UVRAG: variants seen among roughly 807,000 people sequenced by gnomAD.
UVRAG encodes UV radiation resistance-associated gene protein.
In UVRAG, 19 loss-of-function variants were observed where a neutral mutation model predicts 78.0. The observed-to-expected ratio is 0.24, with a 90% confidence interval of 0.17 to 0.36. The LOEUF (loss-of-function observed/expected upper bound fraction) is 0.36, where lower values mean the gene tolerates loss of function less well. Among genes scored for constraint, UVRAG ranks in the 10% least tolerant of loss-of-function variants. UVRAG has a pLI of 1.00. For synonymous variants in UVRAG, 323 were observed against 324.6 expected (o/e 1.00, Z 0.05); for missense variants, 740 against 853.8 (o/e 0.87, Z 1.66).
intron 5 of UVRAG, among the ~76,000 whole-genome samples, chr11:75,893,117 C>T (rs1358046228): frequency 6.6e-6 from 1 of 151,048 alleles, no homozygotes; most frequent in African/African-American, 2.4e-5. Flanking sequence ...GTGGAGGTTG[C>T]AGTGAGCCGA....
rs200646995 is a variant in UVRAG, at chr11:76,080,516, A to AATT, written c.1305+14732_1305+14734dup. On this transcript the variant is annotated intron_variant, in intron 13 of 14. Coordinates refer to ENST00000356136, the MANE Select transcript of UVRAG (RefSeq NM_003369.4). ...TTTTATAATAGAATATATATATATA[A>AATT]ATTATTTTTTTCAGACAAAAACTGA... 7.1e-3 allele frequency among the ~76,000 whole-genome samples: 1,071 copies of AATT among 151,870 alleles called. 17 individuals are homozygous for AATT. Among genetic ancestry groups the AATT allele is most frequent in the African/African-American group, 0.025 (1,023 of 41,458 alleles).
chr11:76,135,687 C>T (rs1202315094), intron 14 of UVRAG, among the ~76,000 whole-genome samples: 1 of 152,078 alleles, frequency 6.6e-6, no homozygotes, highest in Middle Eastern at 3.2e-3. Flanking sequence ...GGAGCTAAGC[C>T]CAGCTGGAAG....
chr11:76,070,943 A>G (rs144446740), intron 13 of UVRAG, among the ~76,000 whole-genome samples: 1,708 of 152,322 alleles, frequency 0.011, 32 homozygotes, highest in African/African-American at 0.039. Context: ...TATGTAATCA[A>G]TGTCACTGAA....
chr11:75,857,455 T>TTATTCAC (rs1198112489), intron 2 of UVRAG, among the ~76,000 whole-genome samples: 9 of 152,252 alleles, frequency 5.9e-5, no homozygotes, highest in Middle Eastern at 3.4e-3. Context: ...TTCACGTGAC[T>TTATTCAC]AGTGCTTCCA....
chr11:75,951,656 A>G (rs1393161060), intron 6 of UVRAG, among the ~76,000 whole-genome samples: 1 of 152,150 alleles, frequency 6.6e-6, no homozygotes, highest in Non-Finnish European at 1.5e-5. Flanking sequence ...TTCTGGGATT[A>G]CAGGCGTGAA....
chr11:75,843,345 T>C (rs1451255584), intron 1 of UVRAG, among the ~76,000 whole-genome samples: 1 of 152,236 alleles, frequency 6.6e-6, no homozygotes, highest in Admixed American at 6.5e-5. Context: ...ATTTCTTTTA[T>C]CTTGCCACTA....
chr11:75,972,917 TG>T (rs1262624682), intron 7 of UVRAG, among the ~76,000 whole-genome samples: 1 of 152,184 alleles, frequency 6.6e-6, no homozygotes, highest in African/African-American at 2.4e-5. Context: ...TCTAGGAGGG[TG>T]TTTTTTTGTT....
At chr11:75,862,428 G>A (rs1379902296) in intron 3 of UVRAG, among the ~76,000 whole-genome samples, 2 of 152,192 alleles carry the variant, frequency 1.3e-5, no homozygotes, top group East Asian at 3.8e-4. Context: ...AAACAAAGAA[G>A]ACCTTTCTGG....
rs116669754 is a variant in UVRAG, at chr11:75,886,508, C to T, written c.433-2321C>T. 8.9e-3 allele frequency among the ~76,000 whole-genome samples: 1,362 copies of T among 152,238 alleles called. 20 individuals are homozygous for T. Among genetic ancestry groups the T allele is most frequent in the African/African-American group, 0.032 (1,312 of 41,532 alleles). Reference sequence around the variant, plus strand: ...TTTTATGTTTATTAAATTTCAGGATCCTTCTAATCTTGAGACTGCTTTCAT... The same window carrying T: ...TTTTATGTTTATTAAATTTCAGGATTCTTCTAATCTTGAGACTGCTTTCAT... On this transcript the variant is annotated intron_variant, in intron 4 of 14. Transcript: ENST00000356136.
chr11:76,059,935 T>C (rs1235983934), intron 12 of UVRAG, among the ~76,000 whole-genome samples: 4 of 152,148 alleles, frequency 2.6e-5, no homozygotes, highest in Non-Finnish European at 5.9e-5. Flanking sequence ...ATTTAAAAAT[T>C]TGAATTAACT....
intron 12 of UVRAG, among the ~76,000 whole-genome samples, chr11:76,036,099 A>C (rs556078158): frequency 6.6e-6 from 1 of 152,240 alleles, no homozygotes; most frequent in East Asian, 1.9e-4. Context: ...TTCAGGATCA[A>C]CTTAAAATTT....
chr11:75,874,033 T>C (rs1271104240), intron 3 of UVRAG, among the ~76,000 whole-genome samples: 2 of 152,168 alleles, frequency 1.3e-5, no homozygotes, highest in Non-Finnish European at 2.9e-5. Context: ...TGTTTAGTCG[T>C]TTGTTTTGTC....
At chr11:75,998,113 T>C (rs996322855) in intron 8 of UVRAG, among the ~76,000 whole-genome samples, 2 of 152,178 alleles carry the variant, frequency 1.3e-5, no homozygotes, top group Non-Finnish European at 2.9e-5. Context: ...ACAGTTGCAG[T>C]AATTTGAAGT....
chr11:75,818,463 C>T (rs1193438105), intron 1 of UVRAG, among the ~76,000 whole-genome samples: 1 of 151,298 alleles, frequency 6.6e-6, no homozygotes, highest in African/African-American at 2.4e-5. Flanking sequence ...ACATCCCGTA[C>T]TAGTTGGCAA....
intron 13 of UVRAG, among the ~76,000 whole-genome samples, chr11:76,111,726 C>A (rs1385787225): frequency 1.3e-5 from 2 of 152,108 alleles, no homozygotes; most frequent in East Asian, 3.9e-4. Context: ...ACTAACCTTT[C>A]CCCGTGGGAA....
intron 13 of UVRAG, among the ~76,000 whole-genome samples, chr11:76,105,737 C>T (rs993847508): frequency 1.5e-4 from 23 of 152,106 alleles, no homozygotes; most frequent in African/African-American, 5.6e-4. Context: ...GATAGAATGA[C>T]ACCCTGTCTC....
intron 12 of UVRAG, among the ~76,000 whole-genome samples, chr11:76,040,572 G>A (rs1052282434): frequency 6.6e-6 from 1 of 151,686 alleles, no homozygotes; most frequent in Non-Finnish European, 1.5e-5. Context: ...TTTGGTTGGG[G>A]CGGGGACGGA....
intron 12 of UVRAG, among the ~76,000 whole-genome samples, chr11:76,018,442 G>T: frequency 6.6e-6 from 1 of 151,914 alleles, no homozygotes; most frequent in Non-Finnish European, 1.5e-5. Flanking sequence ...ATGGAGTCTT[G>T]CTCTGTTGCC....
At chr11:75,992,350 T>C (rs1338233471) in intron 8 of UVRAG, among the ~76,000 whole-genome samples, 1 of 152,184 alleles carries the variant, frequency 6.6e-6, no homozygotes, top group Non-Finnish European at 1.5e-5. Flanking sequence ...AGGGTCACAA[T>C]TGTTGATTTT....
Sources: allele counts gnomAD v4.1 joint callset (sites outside exome capture counted in the v4.1 genomes callset), GRCh38; gene constraint gnomAD v4.1.1; transcripts MANE v1.5; gene names NCBI Gene and HGNC (gene_info 2026-07-23, HGNC 2026-07-21).